Variants in PPP2R2B observed in about 807,000 individuals in gnomAD.
The protein encoded by PPP2R2B is protein phosphatase 2 regulatory subunit Bbeta, also known as serine/threonine-protein phosphatase 2A 55 kDa regulatory subunit B beta isoform.
A neutral mutation model predicts 46.0 loss-of-function variants in PPP2R2B; 5 were observed. The observed-to-expected ratio is 0.11, with a 90% confidence interval of 0.06 to 0.23. The LOEUF (loss-of-function observed/expected upper bound fraction) is 0.23, where lower values mean the gene tolerates loss of function less well. Among genes scored for constraint, PPP2R2B ranks in the 10% least tolerant of loss-of-function variants. The probability of loss-of-function intolerance (pLI) is 1.00; values close to 1 mark genes in which losing one functional copy is unlikely to be tolerated. For missense variants in PPP2R2B, 367 were observed against 575.0 expected (o/e 0.64, Z 3.70); for synonymous variants, 215 against 206.7 (o/e 1.04, Z -0.34).
chr5:146,767,531 C>T (rs249908), intron 2 of PPP2R2B, among the ~76,000 whole-genome samples: 152,067 of 152,110 alleles, frequency 1, 76,012 homozygotes, highest in Middle Eastern at 1. Flanking sequence ...CTCCAATACA[C>T]ACATACATAC....
At chr5:146,952,874 TC>T (rs1751686499) in intron 1 of PPP2R2B, among the ~76,000 whole-genome samples, 1 of 152,090 alleles carries the variant, frequency 6.6e-6, no homozygotes, top group African/African-American at 2.4e-5. Context: ...TGGATGGTTA[TC>T]CACTTCAGAC....
intron 2 of PPP2R2B, among the ~76,000 whole-genome samples, chr5:146,851,649 C>T (rs1014952112): frequency 4.6e-5 from 7 of 151,934 alleles, no homozygotes; most frequent in Non-Finnish European, 1.0e-4. Context: ...AATATACTCA[C>T]TTTCTCAAAT....
At chr5:146,953,905 C>T (rs1448377319) in intron 1 of PPP2R2B, among the ~76,000 whole-genome samples, 1 of 152,106 alleles carries the variant, frequency 6.6e-6, no homozygotes, top group Non-Finnish European at 1.5e-5. Flanking sequence ...GGTAGAGATG[C>T]ATGAAAAGAG....
intron 1 of PPP2R2B, among the ~76,000 whole-genome samples, chr5:147,007,825 G>C (rs1754517182): frequency 6.6e-6 from 1 of 152,050 alleles, no homozygotes; most frequent in Admixed American, 6.6e-5. Flanking sequence ...CCCACAACTG[G>C]ACACATCTGA....
chr5:146,773,329 G>C (rs1318702120), intron 2 of PPP2R2B, among the ~76,000 whole-genome samples: 1 of 152,148 alleles, frequency 6.6e-6, no homozygotes, highest in East Asian at 1.9e-4. Flanking sequence ...CTGGGGAGCT[G>C]GTGTCTTTTC....
At chr5:146,797,743 A>G (rs546963199) in intron 2 of PPP2R2B, among the ~76,000 whole-genome samples, 48 of 152,276 alleles carry the variant, frequency 3.2e-4, no homozygotes, top group African/African-American at 1.1e-3. Context: ...TTAAAACATT[A>G]TCTCCCTCTT....
intron 2 of PPP2R2B, among the ~76,000 whole-genome samples, chr5:147,069,948 A>C (rs1263090719): frequency 2.0e-5 from 3 of 151,340 alleles, no homozygotes; most frequent in African/African-American, 7.3e-5. Flanking sequence ...CTGCCACCAT[A>C]CCTGGCTAAT....
intron 2 of PPP2R2B, among the ~76,000 whole-genome samples, chr5:146,773,341 C>T (rs897331120): frequency 1.3e-5 from 2 of 152,162 alleles, no homozygotes; most frequent in African/African-American, 4.8e-5. Context: ...TGTCTTTTCT[C>T]CTTTGACTTT....
intron 2 of PPP2R2B, among the ~76,000 whole-genome samples, chr5:146,804,947 T>C (rs1757084847): frequency 6.6e-6 from 1 of 152,104 alleles, no homozygotes; most frequent in Admixed American, 6.5e-5. Context: ...TTGAGGGGAA[T>C]ATAATTTCTC....
At chr5:146,863,713 A>G (rs780362445) in intron 2 of PPP2R2B, among the ~76,000 whole-genome samples, 6 of 152,110 alleles carry the variant, frequency 3.9e-5, no homozygotes, top group Non-Finnish European at 8.8e-5. Context: ...TATCCTGCGT[A>G]TAATTTTTAA....
At chr5:146,883,030 G>A (rs1236216735), upstream of PPP2R2B, among the ~76,000 whole-genome samples, 2 of 152,030 alleles carry the variant, frequency 1.3e-5, no homozygotes, top group Admixed American at 6.5e-5. Flanking sequence ...AAACTTTTGG[G>A]TCACCCTGTC....
intron 1 of PPP2R2B, among the ~76,000 whole-genome samples, chr5:146,886,818 C>G (rs1245107641): frequency 6.6e-6 from 1 of 150,754 alleles, no homozygotes; most frequent in Non-Finnish European, 1.5e-5. Flanking sequence ...TCATTTTAAA[C>G]TTTTTTAGTA....
At position 147,064,058 on chromosome 5, in the gene PPP2R2B, G is replaced by C. The variant is rs114083027; in HGVS notation, c.50+17001C>G. ...CTCATTCAGCGAGGACCTTCCCCTGGGCGTGTCACACTGCTCACAGCAGCC... is the reference window on the plus strand; with the variant it reads ...CTCATTCAGCGAGGACCTTCCCCTGCGCGTGTCACACTGCTCACAGCAGCC... On this transcript the variant is annotated intron_variant, in intron 2 of 10. Coordinates refer to the PPP2R2B transcript ENST00000394413. Among the ~76,000 whole-genome samples the C allele has an allele frequency of 3.6e-3, 552 of 152,240 alleles. 3 individuals carry two copies. The highest frequency in any genetic ancestry group is 6.3e-3 in the Non-Finnish European group (427 of 68,020).
At chr5:146,973,616 A>G (rs78228781) in intron 1 of PPP2R2B, among the ~76,000 whole-genome samples, 2,091 of 152,324 alleles carry the variant, frequency 0.014, 50 homozygotes, top group African/African-American at 0.048. Flanking sequence ...TTCCTCACGT[A>G]TAACTCAACC....
At chr5:146,720,483 A>G (rs1780732508) in intron 2 of PPP2R2B, among the ~76,000 whole-genome samples, 2 of 152,178 alleles carry the variant, frequency 1.3e-5, no homozygotes, top group Admixed American at 6.5e-5. Flanking sequence ...TGGTTAATCT[A>G]AAATATATCA....
At chr5:147,066,167 A>G (rs186616489) in intron 2 of PPP2R2B, among the ~76,000 whole-genome samples, 28 of 152,264 alleles carry the variant, frequency 1.8e-4, no homozygotes, top group African/African-American at 6.5e-4. Context: ...ATAGTTTTGG[A>G]GGAACCATTC....
At chr5:146,795,463 A>C (rs1276680161) in intron 2 of PPP2R2B, among the ~76,000 whole-genome samples, 1 of 152,182 alleles carries the variant, frequency 6.6e-6, no homozygotes, top group Non-Finnish European at 1.5e-5. Context: ...GATCTCACTT[A>C]TATGGGAAAT....
At chr5:146,920,803 G>A (rs577626421) in intron 1 of PPP2R2B, among the ~76,000 whole-genome samples, 29 of 152,258 alleles carry the variant, frequency 1.9e-4, no homozygotes, top group African/African-American at 4.8e-4. Flanking sequence ...GGGTGGGTAC[G>A]TCTGCAGTAT....
At chr5:146,965,196 C>A (rs1288131831) in intron 1 of PPP2R2B, among the ~76,000 whole-genome samples, 1 of 152,166 alleles carries the variant, frequency 6.6e-6, no homozygotes, top group African/African-American at 2.4e-5. Context: ...CACCAACTCC[C>A]TTCAAAATAT....
Sources: allele counts gnomAD v4.1 joint callset (sites outside exome capture counted in the v4.1 genomes callset), GRCh38; gene constraint gnomAD v4.1.1; transcripts MANE v1.5; gene names NCBI Gene and HGNC (gene_info 2026-07-23, HGNC 2026-07-21).